Variants in KAZN observed in about 807,000 individuals in gnomAD.
The protein encoded by KAZN is kazrin, periplakin interacting protein, also known as kazrin.
A neutral mutation model predicts 87.4 loss-of-function variants in KAZN; 40 were observed. That is an observed-to-expected ratio of 0.46 (90% CI 0.36 to 0.60). The LOEUF (loss-of-function observed/expected upper bound fraction) is 0.60. KAZN is among the 20% of genes least tolerant of loss of function. The pLI, the probability that KAZN is intolerant of heterozygous loss-of-function variation, is 0.00. For missense variants in KAZN, 898 were observed against 1,073.9 expected (o/e 0.84, Z 2.29); for synonymous variants, 466 against 458.3 (o/e 1.02, Z -0.22).
chr1:14,450,665 G>T (rs772186803), intron 2 of KAZN, among the ~76,000 whole-genome samples: 1 of 152,170 alleles, frequency 6.6e-6, no homozygotes, highest in Non-Finnish European at 1.5e-5. Flanking sequence ...TGTGACGATG[G>T]TGGGGCGTGG....
chr1:14,399,956 G>C (rs1258887047), intron 2 of KAZN, among the ~76,000 whole-genome samples: 1 of 152,072 alleles, frequency 6.6e-6, no homozygotes, highest in Non-Finnish European at 1.5e-5. Context: ...TGTGTATCAA[G>C]CTCTCAGTAA....
chr1:13,950,957 G>A (rs1180881372), intron 1 of KAZN, among the ~76,000 whole-genome samples: 1 of 152,214 alleles, frequency 6.6e-6, no homozygotes. Flanking sequence ...TCGGGAAACT[G>A]TCAAAGGAGA....
chr1:14,087,399 A>G (rs1643881431), intron 1 of KAZN, among the ~76,000 whole-genome samples: 1 of 152,168 alleles, frequency 6.6e-6, no homozygotes, highest in Non-Finnish European at 1.5e-5. Flanking sequence ...CATTTAGTCT[A>G]CAATAAAAGC....
chr1:14,841,405 CAAAAAAAAAAAAAAAAAAAAAAA>C (rs57248871), intron 1 of KAZN, among the ~76,000 whole-genome samples: 13 of 88,870 alleles, frequency 1.5e-4, no homozygotes, highest in Admixed American at 4.0e-4. Context: ...GACTCCGTCT[CAAAAAAAAAAAAAAAAAAAAAAA>C]AAAAAAAAAA....
At chr1:14,623,833 A>AT (rs946644115) in intron 1 of KAZN, among the ~76,000 whole-genome samples, 9 of 150,562 alleles carry the variant, frequency 6.0e-5, no homozygotes, top group Admixed American at 1.3e-4. Context: ...ATATTTTGTG[A>AT]TTTTTTTCAC....
intron 1 of KAZN, among the ~76,000 whole-genome samples, chr1:14,680,752 AGTT>A (rs938999877): frequency 3.3e-5 from 5 of 152,114 alleles, no homozygotes; most frequent in East Asian, 1.9e-4. Context: ...GATTCATCTA[AGTT>A]GTTGTGTGTT....
At chr1:14,471,908 T>C (rs930825033) in intron 2 of KAZN, among the ~76,000 whole-genome samples, 3 of 152,230 alleles carry the variant, frequency 2.0e-5, no homozygotes, top group African/African-American at 4.8e-5. Context: ...TCTAGGACTA[T>C]GTATTAGTCT....
chr1:15,023,230 G>A (rs1670860938), intron 2 of KAZN, among the ~76,000 whole-genome samples: 1 of 152,200 alleles, frequency 6.6e-6, no homozygotes, highest in African/African-American at 2.4e-5. Context: ...TATGGGGTAG[G>A]GGAGTCTTCA....
At chr1:14,463,232 T>G (rs1667946501) in intron 2 of KAZN, among the ~76,000 whole-genome samples, 1 of 152,164 alleles carries the variant, frequency 6.6e-6, no homozygotes, top group South Asian at 2.1e-4. Flanking sequence ...TCTTAAACTG[T>G]CATGGTGCTG....
chr1:13,990,398 T>C (rs1639222517), intron 1 of KAZN, among the ~76,000 whole-genome samples: 1 of 152,106 alleles, frequency 6.6e-6, no homozygotes, highest in Admixed American at 6.6e-5. Flanking sequence ...TCATAAACAT[T>C]ATGATGAGTG....
chr1:14,335,496 C>T (rs1657189109), intron 2 of KAZN, among the ~76,000 whole-genome samples: 1 of 151,902 alleles, frequency 6.6e-6, no homozygotes, highest in Admixed American at 6.6e-5. Context: ...AGCCACTGCA[C>T]CTAGTCCCTC....
intron 2 of KAZN, among the ~76,000 whole-genome samples, chr1:14,395,163 G>T (rs1354757121): frequency 6.6e-6 from 1 of 151,680 alleles, no homozygotes; most frequent in Non-Finnish European, 1.5e-5. Flanking sequence ...AAAAAAGAGG[G>T]AGTAAAAGAA....
intron 2 of KAZN, among the ~76,000 whole-genome samples, chr1:14,267,518 A>T (rs1305654775): frequency 6.6e-6 from 1 of 152,198 alleles, no homozygotes; most frequent in Non-Finnish European, 1.5e-5. Context: ...TTCCTTGGTT[A>T]TATACAAATA....
chr1:13,975,685 C>T lies in KAZN; in HGVS notation c.91+81929C>T, dbSNP rs986964870. The stretch of plus-strand genomic sequence containing the variant: ...CCTTAAACAAAACTTAACACACCGG[C>T]AGGTAGATAGTATTGACTCAATTGT... On this transcript the variant is annotated intron_variant, in intron 1 of 16. Transcript: ENST00000636203. Among the ~76,000 whole-genome samples, 8 of 152,244 alleles carry T rather than the reference C, an allele frequency of 5.3e-5. 1 individual carries two copies. In the South Asian group the frequency reaches 1.7e-3, roughly 32 times the overall value.
At chr1:14,498,735 A>C (rs975156807) in intron 2 of KAZN, among the ~76,000 whole-genome samples, 1 of 151,852 alleles carries the variant, frequency 6.6e-6, no homozygotes, top group East Asian at 1.9e-4. Context: ...AAAAATGGAG[A>C]GTGGAGGGTG....
At chr1:13,945,679 T>TGTGTATG (rs1553177121) in intron 1 of KAZN, among the ~76,000 whole-genome samples, 1 of 123,406 alleles carries the variant, frequency 8.1e-6, no homozygotes, top group African/African-American at 3.3e-5. Context: ...TGCTCTCAGT[T>TGTGTATG]TGTGTGTGTG....
At chr1:15,080,950 T>G (rs1159705604) in intron 8 of KAZN, among the ~76,000 whole-genome samples, 1 of 152,212 alleles carries the variant, frequency 6.6e-6, no homozygotes, top group Non-Finnish European at 1.5e-5. Flanking sequence ...GACAGCCCCA[T>G]GACAAAGAAA....
intron 1 of KAZN, among the ~76,000 whole-genome samples, chr1:14,840,519 G>A (rs57103933): frequency 0.015 from 2,244 of 152,320 alleles, 54 homozygotes; most frequent in African/African-American, 0.051. Context: ...AGATTATGCT[G>A]CACACTGCCT....
At chr1:14,144,357 A>G (rs2101777038) in intron 1 of KAZN, among the ~76,000 whole-genome samples, 1 of 152,328 alleles carries the variant, frequency 6.6e-6, no homozygotes, top group East Asian at 1.9e-4. Context: ...TTCCTAGGGA[A>G]GGGTACCTGG....
Sources: gnomAD v4.1 joint callset for allele counts (sites outside exome capture counted in the v4.1 genomes callset) on GRCh38, gnomAD v4.1.1 for gene constraint, MANE v1.5 for transcripts, NCBI Gene and HGNC (gene_info 2026-07-23, HGNC 2026-07-21) for gene names.